SUMF1: variants seen among roughly 807,000 people sequenced by gnomAD.
SUMF1 encodes the protein sulfatase modifying factor 1, also known as formylglycine-generating enzyme.
SUMF1 carries 48 observed loss-of-function variants against 47.6 expected under a neutral mutation model. That is an observed-to-expected ratio of 1.01 (90% CI 0.80 to 1.28). The LOEUF (loss-of-function observed/expected upper bound fraction) is 1.28, where lower values mean the gene tolerates loss of function less well. Ranked by LOEUF, SUMF1 falls within the 50% of genes most tolerant of loss-of-function variation. The pLI, the probability that SUMF1 is intolerant of heterozygous loss-of-function variation, is 0.00. For missense variants in SUMF1, 571 were observed against 485.4 expected, an observed-to-expected ratio of 1.18 and a Z score of -1.66; for synonymous variants, 230 against 192.1, an observed-to-expected ratio of 1.20 and a Z score of -1.63.
chr3:4,119,633 T>G (rs955252410), intron 8 of SUMF1, among the ~76,000 whole-genome samples: 1 of 152,114 alleles, frequency 6.6e-6, no homozygotes, highest in Non-Finnish European at 1.5e-5. Context: ...CCCAATATCC[T>G]GATATCCTGT....
intron 7 of SUMF1, among the ~76,000 whole-genome samples, chr3:4,408,154 G>A (rs1490356579): frequency 1.3e-5 from 2 of 152,154 alleles, no homozygotes; most frequent in African/African-American, 4.8e-5. Context: ...ATGACTGAAA[G>A]CCAAGAACAA....
At chr3:4,329,624 C>T (rs1699011047) in intron 8 of SUMF1, among the ~76,000 whole-genome samples, 1 of 152,222 alleles carries the variant, frequency 6.6e-6, no homozygotes, top group South Asian at 2.1e-4. Context: ...CCTATGCCTC[C>T]AGGTTTCTGA....
intron 8 of SUMF1, among the ~76,000 whole-genome samples, chr3:4,194,190 C>A (rs978230033): frequency 2.0e-4 from 30 of 152,168 alleles, no homozygotes; most frequent in African/African-American, 7.0e-4. Context: ...AGTTTTTTTA[C>A]TTTCTTTTAT....
chr3:4,379,375 G>A (rs989247413), intron 7 of SUMF1, among the ~76,000 whole-genome samples: 6 of 151,818 alleles, frequency 4.0e-5, no homozygotes, highest in Non-Finnish European at 7.4e-5. Context: ...GAGGAACACA[G>A]AGAAGTCTAT....
At chr3:4,249,940 G>C (rs1371020213) in intron 8 of SUMF1, among the ~76,000 whole-genome samples, 2 of 152,044 alleles carry the variant, frequency 1.3e-5, no homozygotes, top group Non-Finnish European at 2.9e-5. Context: ...CCCAGCACTT[G>C]GGGGAGGCCG....
intron 8 of SUMF1, among the ~76,000 whole-genome samples, chr3:4,311,080 A>T (rs1698387086): frequency 2.0e-5 from 3 of 152,174 alleles, no homozygotes; most frequent in Admixed American, 2.0e-4. Flanking sequence ...AACACAAACA[A>T]AAGCTATTTC....
At chr3:4,048,706 A>T (rs1192705093) in intron 9 of SUMF1, among the ~76,000 whole-genome samples, 2 of 152,200 alleles carry the variant, frequency 1.3e-5, no homozygotes, top group African/African-American at 2.4e-5. Context: ...AACACTTGAC[A>T]AATACAGTAG....
chr3:4,363,860 C>T (rs13069176), intron 8 of SUMF1, among the ~76,000 whole-genome samples: 73,421 of 123,054 alleles, frequency 0.6, 23,147 homozygotes, highest in African/African-American at 0.73. Context: ...GGCTGTGGGT[C>T]TGTCATAGAT....
At chr3:4,446,569 C>T (rs371834192) in intron 3 of SUMF1, among the ~76,000 whole-genome samples, 24 of 152,340 alleles carry the variant, frequency 1.6e-4, no homozygotes, top group African/African-American at 5.8e-4. Flanking sequence ...TAAGCATCAA[C>T]AGCCGCTAAC....
intron 8 of SUMF1, among the ~76,000 whole-genome samples, chr3:4,071,432 C>T (rs767934195): frequency 6.6e-6 from 1 of 152,194 alleles, no homozygotes; most frequent in South Asian, 2.1e-4. Context: ...AGGAACAGTA[C>T]ACTCCTGCCC....
chr3:4,118,845 T>C (rs1412801199), intron 8 of SUMF1, among the ~76,000 whole-genome samples: 1 of 152,156 alleles, frequency 6.6e-6, no homozygotes, highest in African/African-American at 2.4e-5. Flanking sequence ...CATAAAACTT[T>C]TATGTCCCAT....
In SUMF1 at chr3:4,200,174, A is replaced by ATT. The variant is rs35851983; in HGVS notation, c.1015-131431_1015-131430dup. Among the ~76,000 whole-genome samples, 569 of 125,834 alleles carry ATT rather than the reference A, an allele frequency of 4.5e-3. 9 individuals carry two copies. Among genetic ancestry groups the ATT allele is most frequent in the East Asian group, 0.022 (95 of 4,404 alleles). The allele number at this position is 125,834 out of a possible 152,430, so 82.6% of individuals were successfully genotyped here. On this transcript the variant is annotated intron_variant and NMD_transcript_variant, in intron 8 of 12. Transcript: ENST00000448413. The stretch of plus-strand genomic sequence containing the variant: ...CATATGGTGTGAGGTAAGCATCAAG[A>ATT]TTTTTTTTTTTTTTTTTTTGCGTAT...
chr3:4,063,701 C>T (rs891864720), intron 9 of SUMF1, among the ~76,000 whole-genome samples: 3 of 152,116 alleles, frequency 2.0e-5, no homozygotes, highest in Non-Finnish European at 2.9e-5. Context: ...ATTTAGCCAT[C>T]CTGGTGGTCT....
chr3:4,308,292 A>G (rs1330463006), intron 8 of SUMF1, among the ~76,000 whole-genome samples: 1 of 152,198 alleles, frequency 6.6e-6, no homozygotes, highest in African/African-American at 2.4e-5. Context: ...CTACCCTACT[A>G]TGCACTACCT....
chr3:4,114,233 T>C (rs879594383), intron 8 of SUMF1, among the ~76,000 whole-genome samples: 1 of 152,116 alleles, frequency 6.6e-6, no homozygotes, highest in Admixed American at 6.6e-5. Context: ...GGACATGAAG[T>C]TTTTGAGTAA....
At chr3:4,309,960 G>C (rs1277451970) in intron 8 of SUMF1, among the ~76,000 whole-genome samples, 6 of 152,186 alleles carry the variant, frequency 3.9e-5, no homozygotes. Flanking sequence ...CAGAAACCTA[G>C]ATGGTATAGC....
chr3:4,042,710 T>A (rs1317644233), intron 9 of SUMF1, among the ~76,000 whole-genome samples: 1 of 152,146 alleles, frequency 6.6e-6, no homozygotes, highest in African/African-American at 2.4e-5. Context: ...TATTCCCAAA[T>A]AAATATTTTT....
chr3:4,068,385 A>T (rs1425784864), intron 9 of SUMF1, among the ~76,000 whole-genome samples: 1 of 152,194 alleles, frequency 6.6e-6, no homozygotes, highest in Non-Finnish European at 1.5e-5. Flanking sequence ...AAAAATTTAC[A>T]TTTTAAATTT....
intron 8 of SUMF1, among the ~76,000 whole-genome samples, chr3:4,124,868 C>T (rs891845097): frequency 2.7e-5 from 4 of 150,602 alleles, no homozygotes; most frequent in African/African-American, 9.7e-5. Flanking sequence ...ATCTAATATA[C>T]ACTTATATAC....
Sources: gnomAD v4.1 joint callset for allele counts (sites outside exome capture counted in the v4.1 genomes callset) on GRCh38, gnomAD v4.1.1 for gene constraint, MANE v1.5 for transcripts, NCBI Gene and HGNC (gene_info 2026-07-23, HGNC 2026-07-21) for gene names.